The following MTA3 variants were observed in gnomAD, a reference collection of about 807,000 sequenced individuals.
The protein encoded by MTA3 is metastasis associated 1 family member 3, also known as metastasis-associated protein MTA3.
Under a neutral mutation model 83.5 loss-of-function variants are expected in MTA3, and 34 were observed. That is an observed-to-expected ratio of 0.41 (90% confidence interval 0.31 to 0.54). The LOEUF is 0.54. MTA3 is among the 20% of genes least tolerant of loss of function. The pLI, the probability that MTA3 is intolerant of heterozygous loss-of-function variation, is 0.33. For missense variants in MTA3, 761 were observed against 726.4 expected, an observed-to-expected ratio of 1.05 and a Z score of -0.55; for synonymous variants, 303 against 252.7, an observed-to-expected ratio of 1.20 and a Z score of -1.89.
At chr2:42,514,485 G>C (rs1335612364) in intron 2 of MTA3, among the ~76,000 whole-genome samples, 1 of 151,956 alleles carries the variant, frequency 6.6e-6, no homozygotes, top group Non-Finnish European at 1.5e-5. Flanking sequence ...CAGGATTCAA[G>C]CAATTATCCT....
intron 2 of MTA3, among the ~76,000 whole-genome samples, chr2:42,509,278 A>G (rs1343969610): frequency 6.6e-6 from 1 of 152,060 alleles, no homozygotes; most frequent in Non-Finnish European, 1.5e-5. Flanking sequence ...CCTGACCTCA[A>G]GTGATCCGCT....
chr2:42,656,231 G>A lies in MTA3; in HGVS notation c.531G>A (p.Leu177=), dbSNP rs776660687. ...CAGATGAGAGGGAACAATCAAAATT[G>A]GAAGTTAAAGTTTGGGATCCAAATA... ...GESDEREQSK[L]EVKVWDPNSP... The change falls in exon 7 of 17, where the codon TTG becomes TTA. Residue 177 remains leucine (L), a synonymous_variant. Transcript: ENST00000405094. 1.2e-6 allele frequency: 2 copies of A among 1,613,662 alleles called. No homozygotes were observed. The highest frequency in any genetic ancestry group is 2.2e-5 in the East Asian group (1 of 44,854).
intron 16 of MTA3, among the ~76,000 whole-genome samples, chr2:42,737,262 C>G (rs1371333312): frequency 6.6e-6 from 1 of 152,180 alleles, no homozygotes; most frequent in African/African-American, 2.4e-5. Context: ...ACCCAGAGCA[C>G]TTTAACCCAC....
intron 16 of MTA3, among the ~76,000 whole-genome samples, chr2:42,748,189 C>T (rs1004617839): frequency 1.8e-4 from 25 of 136,080 alleles, no homozygotes; most frequent in Non-Finnish European, 3.3e-4. Context: ...CCATCACATC[C>T]AGCTAATGTG....
chr2:42,717,624 G>C (rs776826038), intron 14 of MTA3, among the ~76,000 whole-genome samples: 2 of 152,182 alleles, frequency 1.3e-5, no homozygotes, highest in Non-Finnish European at 2.9e-5. Context: ...GTTTCTTACT[G>C]TTCTGACTGT....
intron 16 of MTA3, among the ~76,000 whole-genome samples, chr2:42,726,324 A>G (rs1354862129): frequency 2.0e-5 from 3 of 148,886 alleles, no homozygotes; most frequent in Non-Finnish European, 4.5e-5. Context: ...CTCACCCTCT[A>G]CCTTTGCATT....
chr2:42,696,086 G>T (rs1693365669), intron 10 of MTA3, among the ~76,000 whole-genome samples: 1 of 152,134 alleles, frequency 6.6e-6, no homozygotes, highest in South Asian at 2.1e-4. Flanking sequence ...TATTTTCCTT[G>T]CATTTGACTG....
At chr2:42,639,083 C>T (rs1188137006) in intron 4 of MTA3, among the ~76,000 whole-genome samples, 1 of 142,916 alleles carries the variant, frequency 7.0e-6, no homozygotes, top group Non-Finnish European at 1.5e-5. Flanking sequence ...TTTTTTGAGG[C>T]GGAGTCTTGC....
At chr2:42,528,934 T>C (rs576543338) in intron 2 of MTA3, among the ~76,000 whole-genome samples, 4 of 152,200 alleles carry the variant, frequency 2.6e-5, no homozygotes, top group Non-Finnish European at 5.9e-5. Context: ...GTTTGCCTTA[T>C]TTGAATAGGG....
chr2:42,638,213 G>T (rs1687371692), intron 4 of MTA3, among the ~76,000 whole-genome samples: 2 of 151,910 alleles, frequency 1.3e-5, no homozygotes, highest in African/African-American at 4.8e-5. Flanking sequence ...TTAATGAGGG[G>T]AAAAAGTAAG....
At chr2:42,549,319 TATA>T (rs1337664644) in intron 2 of MTA3, among the ~76,000 whole-genome samples, 2 of 127,254 alleles carry the variant, frequency 1.6e-5, no homozygotes, top group African/African-American at 3.0e-5. Flanking sequence ...TAATATATAA[TATA>T]TTATATACGT....
chr2:42,685,841 A>G (rs1258819118), intron 9 of MTA3, among the ~76,000 whole-genome samples: 2 of 151,648 alleles, frequency 1.3e-5, no homozygotes, highest in African/African-American at 4.8e-5. Context: ...TTAAATTATC[A>G]TCCCCTCTTT....
intron 3 of MTA3, among the ~76,000 whole-genome samples, chr2:42,607,312 G>T (rs1683596740): frequency 6.6e-6 from 1 of 152,144 alleles, no homozygotes; most frequent in Admixed American, 6.5e-5. Flanking sequence ...TAGCAAAGAG[G>T]AGTCTCCCGC....
At chr2:42,592,218 T>C (rs918879962) in intron 3 of MTA3, among the ~76,000 whole-genome samples, 5 of 151,986 alleles carry the variant, frequency 3.3e-5, no homozygotes, top group Admixed American at 2.6e-4. Flanking sequence ...GCTGAGATCA[T>C]GCCTCTGCAC....
intron 8 of MTA3, among the ~76,000 whole-genome samples, chr2:42,667,578 G>GTGTGTGTGTGTGTGTT (rs755712905): frequency 0.022 from 2,903 of 129,842 alleles, 41 homozygotes; most frequent in Non-Finnish European, 0.026. Context: ...AATTGTGTGT[G>GTGTGTGTGTGTGTGTT]TGTGTGTGTG....
At position 42,668,821 on chromosome 2, in the gene MTA3, C is replaced by T. The variant is rs575145650; in HGVS notation, c.702+8959C>T. On this transcript the variant is annotated intron_variant, in intron 8 of 16. Coordinates refer to ENST00000405094, the MANE Select transcript of MTA3 (RefSeq NM_001330442.2). ...AACAAAGGCTGTTAATATAATCTTT[C>T]ATATAATCTTCCTCTTAAAACAAGC... 7.0e-4 allele frequency among the ~76,000 whole-genome samples: 106 copies of T among 152,218 alleles called. 2 individuals are homozygous for T. The highest frequency in any genetic ancestry group is 2.4e-3 in the African/African-American group (100 of 41,528).
chr2:42,558,865 T>A (rs1274253635), intron 2 of MTA3, among the ~76,000 whole-genome samples: 2 of 151,882 alleles, frequency 1.3e-5, no homozygotes, highest in East Asian at 1.9e-4. Context: ...TTTTTTTTTT[T>A]AACTAAAACC....
At chr2:42,629,426 A>G (rs529608016) in intron 4 of MTA3, among the ~76,000 whole-genome samples, 2 of 152,212 alleles carry the variant, frequency 1.3e-5, no homozygotes, top group Admixed American at 6.6e-5. Context: ...AACTTATGAC[A>G]TGCCCTCTTG....
intron 4 of MTA3, among the ~76,000 whole-genome samples, chr2:42,631,953 G>T (rs1686719507): frequency 6.6e-6 from 1 of 152,134 alleles, no homozygotes; most frequent in Admixed American, 6.5e-5. Flanking sequence ...GCCTCCCAAA[G>T]TGCTGGGATT....
Sources: gnomAD v4.1 joint callset for allele counts (sites outside exome capture counted in the v4.1 genomes callset) on GRCh38, gnomAD v4.1.1 for gene constraint, MANE v1.5 for transcripts, NCBI Gene and HGNC (gene_info 2026-07-23, HGNC 2026-07-21) for gene names.